NOS1: variants seen among roughly 807,000 people sequenced by gnomAD.
The protein encoded by NOS1 is nitric oxide synthase 1, also known as NOS type I.
A neutral mutation model predicts 164.5 loss-of-function variants in NOS1; 51 were observed. The ratio of observed to expected loss-of-function variants is 0.31; its 90% CI spans 0.25 to 0.39. NOS1 has a LOEUF of 0.39. Ranked by LOEUF, NOS1 falls within the 10% of genes least tolerant of loss-of-function variation. NOS1 has a pLI of 1.00. For synonymous variants in NOS1, 719 were observed against 745.8 expected (o/e 0.96, Z 0.59); for missense variants, 1,362 against 1,885.6 (o/e 0.72, Z 5.14).
At chr12:117,283,221 C>T (rs1873832753) in intron 7 of NOS1, among the ~76,000 whole-genome samples, 1 of 151,946 alleles carries the variant, frequency 6.6e-6, no homozygotes, top group African/African-American at 2.4e-5. Context: ...CCAGCACGTC[C>T]TACTAATTTT....
chr12:117,212,369 A>G lies in NOS1; in HGVS notation c.*2940T>C, dbSNP rs1956542500. The G allele has an allele frequency of 1.0e-6, 1 of 985,202 alleles. No individual in the cohort carries two copies. Among genetic ancestry groups the G allele is most frequent in the Admixed American group, 6.2e-5 (1 of 16,246 alleles). The allele number at this position is 985,202 out of a possible 1,614,324, so 61.0% of individuals were successfully genotyped here. A position where few individuals can be genotyped will look rare whatever the true frequency, so the allele number is the denominator to read the frequency against. The stretch of plus-strand genomic sequence containing the variant: ...CACTCAGGTCGGCTCCCAAAATTCC[A>G]TATTGATGGGTCTGAAGTGTCCCCC... On this transcript the variant is annotated 3_prime_UTR_variant, in exon 29 of 29. Transcript: ENST00000317775.
intron 13 of NOS1, among the ~76,000 whole-genome samples, chr12:117,262,417 A>T: frequency 2.1e-5 from 2 of 96,036 alleles, no homozygotes; most frequent in Admixed American, 1.3e-4. Flanking sequence ...AGAGAGAGGG[A>T]GGGAGGGAGG....
rs1956567318 is a variant in NOS1, at chr12:117,214,065, C to T, written c.*1244G>A. 2.0e-6 allele frequency: 2 copies of T among 985,336 alleles called. No homozygotes were observed. The highest frequency in any genetic ancestry group is 1.7e-5 in the African/African-American group (1 of 57,252). The allele number at this position is 985,336 out of a possible 1,614,324, so 61.0% of individuals were successfully genotyped here. A position where few individuals can be genotyped will look rare whatever the true frequency, so the allele number is the denominator to read the frequency against. ...AAGCCTGAGGGACAAGTTCTTCCCA[C>T]CCCAAGTTGTGGCTCCTATCGAAGA... On this transcript the variant is annotated 3_prime_UTR_variant, in exon 29 of 29. Transcript: ENST00000317775.
chr12:117,256,048 G>A (rs768514800), intron 16 of NOS1: 5 of 1,365,038 alleles, frequency 3.7e-6, no homozygotes, highest in East Asian at 2.8e-5. Context: ...CTAGAGGGGA[G>A]AATCGATGGT....
intron 2 of NOS1, among the ~76,000 whole-genome samples, chr12:117,323,496 G>A (rs935034293): frequency 1.3e-5 from 2 of 152,210 alleles, no homozygotes; most frequent in African/African-American, 4.8e-5. Flanking sequence ...CTAGCTGTGT[G>A]ATCTGGGACA....
At chr12:117,238,935 A>C (rs1444483118) in intron 20 of NOS1, among the ~76,000 whole-genome samples, 1 of 152,230 alleles carries the variant, frequency 6.6e-6, no homozygotes, top group Non-Finnish European at 1.5e-5. Flanking sequence ...TTTTAGACAC[A>C]AGCTTAGAAA....
At chr12:117,263,840 C>T (rs1872138563) in intron 13 of NOS1, 49 bp downstream of exon 13, 2 of 1,424,532 alleles carry the variant, frequency 1.4e-6, no homozygotes, top group East Asian at 4.6e-5. Flanking sequence ...TCTGGGTTCT[C>T]TGAGTTTGTG....
At chr12:117,299,220 A>G (rs568390567) in intron 3 of NOS1, among the ~76,000 whole-genome samples, 53 of 152,382 alleles carry the variant, frequency 3.5e-4, no homozygotes, top group African/African-American at 1.2e-3. Context: ...TTATCCGTAC[A>G]ATTAAAAAAT....
intron 10 of NOS1, 70 bp from the exon 11 acceptor site, chr12:117,268,214 G>A (rs763875081): frequency 5.8e-4 from 580 of 999,842 alleles, no homozygotes; most frequent in Non-Finnish European, 8.2e-4. Flanking sequence ...GAGGGACAGG[G>A]CTAGTGGCGT....
intron 1 of NOS1, among the ~76,000 whole-genome samples, chr12:117,338,051 C>T (rs1875921894): frequency 6.6e-6 from 1 of 151,968 alleles, no homozygotes; most frequent in Non-Finnish European, 1.5e-5. Context: ...CCCATATCTA[C>T]TAAAAATACA....
At position 117,238,459 on chromosome 12, in the gene NOS1, G is replaced by T. The variant is rs1869899295; in HGVS notation, c.3042-3701C>A. Among the ~76,000 whole-genome samples, 3 of 152,120 alleles carry T rather than the reference G, an allele frequency of 2.0e-5. No homozygotes were observed. In the South Asian group the frequency reaches 6.2e-4, roughly 32 times the overall value. On this transcript the variant is annotated intron_variant, in intron 20 of 28. Transcript: ENST00000317775. ...CCCCCTGCATTTCACCGTGGATCTG[G>T]CAACCCATTTCTCCAGGACCCCTCT...
chr12:117,283,535 C>A (rs745358004), intron 7 of NOS1, among the ~76,000 whole-genome samples: 1 of 152,122 alleles, frequency 6.6e-6, no homozygotes, highest in African/African-American at 2.4e-5. Context: ...GACCCATACT[C>A]AGAGCCTGCT....
Position 117,210,357 on chromosome 12 carries a change from A to G in NOS1, c.*4952T>C. The stretch of plus-strand genomic sequence containing the variant: ...CAGCCAGAGAGTATGAATGGGTTAT[A>G]AAGGAAGACTAGTTAGTGTTTCTCT... On this transcript the variant is annotated 3_prime_UTR_variant, in exon 29 of 29. Coordinates refer to ENST00000317775, the MANE Select transcript of NOS1 (RefSeq NM_000620.5). 1 of 985,306 alleles carries G rather than the reference A, an allele frequency of 1.0e-6. No individual in the cohort carries two copies. The highest frequency in any genetic ancestry group is 1.2e-6 in the Non-Finnish European group (1 of 829,932). 61.0% of individuals were successfully genotyped at this position (985,306 alleles called of 1,614,324 possible).
chr12:117,311,710 A>C, intron 2 of NOS1, 118 bp from the exon 3 acceptor site: 1 of 1,120,306 alleles, frequency 8.9e-7, no homozygotes, highest in Non-Finnish European at 1.2e-6. Flanking sequence ...ATAACTCCAT[A>C]TGAGCCAGCG....
At chr12:117,279,507 A>G (rs1368845837) in intron 8 of NOS1, among the ~76,000 whole-genome samples, 1 of 152,202 alleles carries the variant, frequency 6.6e-6, no homozygotes, top group Non-Finnish European at 1.5e-5. Flanking sequence ...ATTTCAAGTG[A>G]TCAATAGCCA....
intron 1 of NOS1, among the ~76,000 whole-genome samples, chr12:117,351,673 T>C (rs1876626250): frequency 6.6e-6 from 1 of 152,226 alleles, no homozygotes; most frequent in Non-Finnish European, 1.5e-5. Context: ...AAGAAACTGA[T>C]GGAGTAGCTG....
In NOS1 at chr12:117,213,874, C is replaced by T; in HGVS notation, c.*1435G>A. The T allele has an allele frequency of 1.0e-6, 1 of 985,438 alleles. No homozygotes were observed. Among genetic ancestry groups the T allele is most frequent in the Non-Finnish European group, 1.2e-6 (1 of 829,928 alleles). 61.0% of individuals were successfully genotyped at this position (985,438 alleles called of 1,614,324 possible). A position where few individuals can be genotyped will look rare whatever the true frequency, so the allele number is the denominator to read the frequency against. On this transcript the variant is annotated 3_prime_UTR_variant, in exon 29 of 29. Coordinates refer to ENST00000317775, the MANE Select transcript of NOS1 (RefSeq NM_000620.5). The stretch of plus-strand genomic sequence containing the variant: ...CAAAGGGATCCCTTCCCACCATTTA[C>T]TCTGAGAGAGTAAATTCAACAGGTT...
chr12:117,211,710 C>T lies in NOS1; in HGVS notation c.*3599G>A, dbSNP rs565609042. On this transcript the variant is annotated 3_prime_UTR_variant, in exon 29 of 29. Coordinates refer to ENST00000317775, the MANE Select transcript of NOS1 (RefSeq NM_000620.5). ...CTTCCAGAAGCTACCAGTGAAATCC[C>T]GCCCATTTCTCAAACCCCAGAAATT... 42 of 985,504 alleles carry T rather than the reference C, an allele frequency of 4.3e-5. No homozygotes were observed. The highest frequency in any genetic ancestry group is 2.1e-4 in the African/African-American group (12 of 57,350). 61.0% of individuals were successfully genotyped at this position (985,504 alleles called of 1,614,324 possible).
At chr12:117,248,641 A>G (rs1343461817) in intron 17 of NOS1, among the ~76,000 whole-genome samples, 2 of 151,758 alleles carry the variant, frequency 1.3e-5, no homozygotes, top group East Asian at 1.9e-4. Flanking sequence ...ATTGTGAATA[A>G]TGCCGCAATA....
Sources: gnomAD v4.1 joint callset for allele counts (sites outside exome capture counted in the v4.1 genomes callset) on GRCh38, gnomAD v4.1.1 for gene constraint, MANE v1.5 for transcripts, NCBI Gene and HGNC (gene_info 2026-07-23, HGNC 2026-07-21) for gene names.